Variants in FER observed in about 807,000 individuals in gnomAD.
FER encodes the protein tyrosine-protein kinase Fer.
Under a neutral mutation model 111.0 loss-of-function variants are expected in FER, and 63 were observed. The observed-to-expected ratio is 0.57, with a 90% CI of 0.46 to 0.70. The LOEUF (loss-of-function observed/expected upper bound fraction) is 0.70, where lower values mean the gene tolerates loss of function less well. Among genes scored for constraint, FER ranks in the 30% least tolerant of loss-of-function variants. The pLI is 0.00. For missense variants in FER, 914 were observed against 954.0 expected (o/e 0.96, Z 0.55); for synonymous variants, 327 against 313.9 (o/e 1.04, Z -0.44).
intron 13 of FER, among the ~76,000 whole-genome samples, chr5:108,959,818 T>C (rs1758911037): frequency 6.6e-6 from 1 of 152,096 alleles, no homozygotes; most frequent in African/African-American, 2.4e-5. Flanking sequence ...CAGAAACTTA[T>C]CTATGTGGAG....
intron 14 of FER, among the ~76,000 whole-genome samples, chr5:109,039,713 A>G (rs1770887343): frequency 6.6e-6 from 1 of 152,126 alleles, no homozygotes; most frequent in African/African-American, 2.4e-5. Context: ...TCATTGTAAC[A>G]GTAAGCAAGA....
intron 1 of FER, among the ~76,000 whole-genome samples, chr5:108,762,604 G>A (rs1751883938): frequency 6.6e-6 from 1 of 152,110 alleles, no homozygotes. Context: ...ATAGTTTCAT[G>A]GTCCTGCTTT....
intron 16 of FER, among the ~76,000 whole-genome samples, chr5:109,088,012 C>T (rs564286545): frequency 2.9e-4 from 44 of 152,038 alleles, no homozygotes; most frequent in African/African-American, 1.9e-4. Flanking sequence ...TTTTCATATG[C>T]ATTTACAAAT....
chr5:108,846,652 G>A (rs914414679), intron 5 of FER, among the ~76,000 whole-genome samples: 7 of 151,590 alleles, frequency 4.6e-5, no homozygotes, highest in African/African-American at 1.2e-4. Flanking sequence ...GCGCGATCAC[G>A]GCCCACTGCG....
chr5:108,822,521 T>G (rs1044190074), intron 3 of FER, among the ~76,000 whole-genome samples: 2 of 151,994 alleles, frequency 1.3e-5, no homozygotes, highest in African/African-American at 4.8e-5. Flanking sequence ...TCCAGGGACT[T>G]TATAGCAATC....
intron 16 of FER, among the ~76,000 whole-genome samples, chr5:109,077,739 C>T (rs1256090061): frequency 6.6e-6 from 1 of 152,120 alleles, no homozygotes; most frequent in African/African-American, 2.4e-5. Flanking sequence ...TCACTAATAA[C>T]AGCCAACCAT....
chr5:108,763,242 A>C (rs564323216), intron 1 of FER, among the ~76,000 whole-genome samples: 1 of 152,364 alleles, frequency 6.6e-6, no homozygotes, highest in African/African-American at 2.4e-5. Context: ...GCAAACAAGC[A>C]AGTTACCTTG....
intron 17 of FER, among the ~76,000 whole-genome samples, chr5:109,145,826 A>G (rs1408737143): frequency 6.6e-6 from 1 of 151,960 alleles, no homozygotes; most frequent in Non-Finnish European, 1.5e-5. Flanking sequence ...ATGTGTTTCT[A>G]CTTGCTTTTT....
At chr5:108,997,071 G>A (rs969054300) in intron 13 of FER, among the ~76,000 whole-genome samples, 2 of 151,938 alleles carry the variant, frequency 1.3e-5, no homozygotes, top group Non-Finnish European at 2.9e-5. Flanking sequence ...TCTGTTATTG[G>A]TGTTTAGGAA....
chr5:108,858,002 A>G (rs1349236345), intron 5 of FER, among the ~76,000 whole-genome samples: 1 of 152,216 alleles, frequency 6.6e-6, no homozygotes, highest in Admixed American at 6.5e-5. Flanking sequence ...GGAAAACAGT[A>G]TCTGGCCATT....
At chr5:109,095,533 C>T (rs1056204479) in intron 16 of FER, among the ~76,000 whole-genome samples, 1 of 152,070 alleles carries the variant, frequency 6.6e-6, no homozygotes, top group African/African-American at 2.4e-5. Context: ...AGCCAGTATC[C>T]TCTGCTTTAG....
chr5:108,877,506 A>G lies in FER; in HGVS notation c.923+5294A>G, dbSNP rs979458310. ...GCCATCTTCTGTTTACTCTTGAGAA[A>G]AGCTCATAAAGATTTGTGTCATGGT... is the stretch of plus-strand genomic sequence containing the variant. On this transcript the variant is annotated intron_variant, in intron 8 of 19. Transcript: ENST00000281092. Among the ~76,000 whole-genome samples, 11 of 152,204 alleles carry G rather than the reference A, an allele frequency of 7.2e-5. No individual in the cohort carries two copies. The South Asian group carries it at 1.9e-3, about 26-fold the overall frequency.
At chr5:109,186,959 T>G (rs1319019245) in intron 19 of FER, among the ~76,000 whole-genome samples, 1 of 152,214 alleles carries the variant, frequency 6.6e-6, no homozygotes, top group Admixed American at 6.5e-5. Flanking sequence ...CCCAATGCAC[T>G]GCTGAAACAC....
At chr5:108,758,861 C>T (rs1311566957) in intron 1 of FER, among the ~76,000 whole-genome samples, 1 of 152,180 alleles carries the variant, frequency 6.6e-6, no homozygotes, top group Non-Finnish European at 1.5e-5. Context: ...AACGCATTTA[C>T]TATAGTCCTC....
rs766884749 is a variant in FER at position 109,100,466 on chromosome 5, A to G, written c.1995A>G (p.Ser665=). The G allele has an allele frequency of 9.3e-6, 15 of 1,611,578 alleles. No individual in the cohort carries two copies. The highest frequency in any genetic ancestry group is 6.6e-5 in the South Asian group (6 of 91,000). ...AACTCAAACAGTTAGTGAAATTTTC[A>G]TTAGACGCTGCTGCTGGTATGTTGT... is the stretch of plus-strand genomic sequence containing the variant. ...ELKLKQLVKF[S]LDAAAGMLYL... Residue 665 remains serine (S), a synonymous_variant, in exon 17 of 20, where the codon TCA becomes TCG. Transcript: ENST00000281092.
intron 16 of FER, among the ~76,000 whole-genome samples, chr5:109,062,155 A>G (rs1343767377): frequency 6.6e-6 from 1 of 152,178 alleles, no homozygotes; most frequent in Non-Finnish European, 1.5e-5. Flanking sequence ...CCCTTACTTT[A>G]TAGACAAGTT....
At chr5:108,870,135 G>C (rs1172112644) in intron 6 of FER, among the ~76,000 whole-genome samples, 2 of 151,744 alleles carry the variant, frequency 1.3e-5, no homozygotes, top group African/African-American at 4.8e-5. Flanking sequence ...GACATATAAT[G>C]GTTTCTCATG....
intron 10 of FER, among the ~76,000 whole-genome samples, chr5:108,906,778 A>C (rs968563032): frequency 6.6e-5 from 10 of 152,056 alleles, no homozygotes; most frequent in African/African-American, 2.4e-4. Flanking sequence ...ATATATGTTT[A>C]AATTTGCTGT....
intron 16 of FER, among the ~76,000 whole-genome samples, chr5:109,082,460 C>A (rs1777097291): frequency 6.6e-6 from 1 of 152,008 alleles, no homozygotes; most frequent in African/African-American, 2.4e-5. Context: ...ATTTGAGACC[C>A]AGCCCAGGCC....
Sources: allele counts gnomAD v4.1 joint callset (sites outside exome capture counted in the v4.1 genomes callset), GRCh38; gene constraint gnomAD v4.1.1; transcripts MANE v1.5; gene names NCBI Gene and HGNC (gene_info 2026-07-23, HGNC 2026-07-21).